Variants in SMAD2 observed in about 807,000 individuals in gnomAD.
SMAD2 encodes SMAD family member 2, also known as MAD homolog 2.
Under a neutral mutation model 64.4 loss-of-function variants are expected in SMAD2, and 8 were observed. The ratio of observed to expected loss-of-function variants is 0.12; its 90% CI spans 0.07 to 0.22. The LOEUF (loss-of-function observed/expected upper bound fraction) is 0.22, where lower values mean the gene tolerates loss of function less well. Ranked by LOEUF, SMAD2 falls within the 10% of genes least tolerant of loss-of-function variation. The probability of loss-of-function intolerance (pLI) is 1.00; values close to 1 mark genes in which losing one functional copy is unlikely to be tolerated. For missense variants in SMAD2, 289 were observed against 561.2 expected (o/e 0.51, Z 4.90); for synonymous variants, 203 against 195.8 (o/e 1.04, Z -0.31).
Position 47,820,443 on chromosome 18 carries a change from CAG to C in SMAD2, c.*21382_*21383del, listed in dbSNP as rs1912528865. ...TATTGGGAAAAAAGTTGTTTAAATTCAGAGTTTATTAGAGGTTGTTTCAAATA... is the reference window on the plus strand; with the variant it reads ...TATTGGGAAAAAAGTTGTTTAAATTCAGTTTATTAGAGGTTGTTTCAAATA... On this transcript the variant is annotated 3_prime_UTR_variant, in exon 11 of 11. Coordinates refer to ENST00000262160, the MANE Select transcript of SMAD2 (RefSeq NM_005901.6). 2 of 152,076 alleles carry C rather than the reference CAG, an allele frequency of 1.3e-5. No individual in the cohort carries two copies. The highest frequency in any genetic ancestry group is 2.1e-4 in the South Asian group (1 of 4,818). The allele number at this position is 152,076 out of a possible 1,614,324, so 9.4% of individuals were successfully genotyped here. A position where few individuals can be genotyped will look rare whatever the true frequency, so the allele number is the denominator to read the frequency against.
intron 2 of SMAD2, among the ~76,000 whole-genome samples, chr18:47,889,318 CCTGGAAGGACT>C (rs1416268258): frequency 6.6e-6 from 1 of 152,044 alleles, no homozygotes; most frequent in African/African-American, 2.4e-5. Flanking sequence ...ACCACACAGG[CCTGGAAGGACT>C]CTACTACAAG....
At chr18:47,926,971 C>A (rs2034791890) in intron 1 of SMAD2, among the ~76,000 whole-genome samples, 1 of 152,166 alleles carries the variant, frequency 6.6e-6, no homozygotes, top group Non-Finnish European at 1.5e-5. Context: ...AGTATTGTAA[C>A]TGAGAAACAA....
At chr18:47,870,316 T>G (rs575186999) in intron 3 of SMAD2, among the ~76,000 whole-genome samples, 159 bp downstream of exon 3, 126 of 152,286 alleles carry the variant, frequency 8.3e-4, no homozygotes, top group African/African-American at 3.0e-3. Context: ...ATTTAATATA[T>G]TTTTTATACT....
At chr18:47,861,829 C>CA (rs2031209952) in intron 6 of SMAD2, among the ~76,000 whole-genome samples, 1 of 152,220 alleles carries the variant, frequency 6.6e-6, no homozygotes. Flanking sequence ...AACATTTTAA[C>CA]TACCTTCATA....
intron 1 of SMAD2, among the ~76,000 whole-genome samples, chr18:47,910,369 C>A (rs1470604060): frequency 8.1e-6 from 1 of 123,718 alleles, no homozygotes; most frequent in African/African-American, 2.9e-5. Flanking sequence ...TGACATAGGA[C>A]AATCTAGCTA....
In SMAD2 at chr18:47,841,257, G is replaced by C; in HGVS notation, c.*570C>G. ...AGTTAATCCACTTTTCTTCCCCCAA[G>C]AGTTTATTTTTGGTAAAAGGCAGAA... On this transcript the variant is annotated 3_prime_UTR_variant, in exon 11 of 11. Coordinates refer to ENST00000262160, the MANE Select transcript of SMAD2 (RefSeq NM_005901.6). 4.3e-6 allele frequency: 1 copy of C among 233,002 alleles called. No individual in the cohort carries two copies. The highest frequency in any genetic ancestry group is 8.5e-6 in the Non-Finnish European group (1 of 118,246). 14.4% of individuals were successfully genotyped at this position (233,002 alleles called of 1,614,324 possible).
chr18:47,911,694 C>A (rs1034963568), intron 1 of SMAD2, among the ~76,000 whole-genome samples: 3 of 152,108 alleles, frequency 2.0e-5, no homozygotes, highest in Admixed American at 6.5e-5. Flanking sequence ...GTGAGGTTTG[C>A]ATAGAATTAG....
chr18:47,888,868 C>G (rs2033045911), intron 2 of SMAD2, among the ~76,000 whole-genome samples: 1 of 152,194 alleles, frequency 6.6e-6, no homozygotes, highest in East Asian at 1.9e-4. Flanking sequence ...ACAGATGATC[C>G]AGACATTAGA....
chr18:47,831,824 T>C lies in SMAD2; in HGVS notation c.*10003A>G, dbSNP rs1913006631. 2 of 152,246 alleles carry C rather than the reference T, an allele frequency of 1.3e-5. No homozygotes were observed. Among genetic ancestry groups the C allele is most frequent in the Middle Eastern group, 3.2e-3 (1 of 316 alleles). The allele number at this position is 152,246 out of a possible 1,614,324, so 9.4% of individuals were successfully genotyped here. A position where few individuals can be genotyped will look rare whatever the true frequency, so the allele number is the denominator to read the frequency against. On this transcript the variant is annotated 3_prime_UTR_variant, in exon 11 of 11. Transcript: ENST00000262160. ...AATTCTACAAATATTTCCATACCTATTTATTGCAGCAAAAGATAATTTTTA... is the reference window on the plus strand; with the variant it reads ...AATTCTACAAATATTTCCATACCTACTTATTGCAGCAAAAGATAATTTTTA...
intron 7 of SMAD2, among the ~76,000 whole-genome samples, chr18:47,850,849 TTA>T (rs56339341): frequency 4.0e-3 from 51 of 12,714 alleles, no homozygotes; most frequent in Middle Eastern, 0.17. Context: ...ATATTATATA[TTA>T]TATATATTAT....
At chr18:47,877,735 GAAAT>G (rs2032347464) in intron 2 of SMAD2, among the ~76,000 whole-genome samples, 1 of 151,942 alleles carries the variant, frequency 6.6e-6, no homozygotes, top group South Asian at 2.1e-4. Context: ...TCCTGATTGA[GAAAT>G]AAGTAGGTGC....
At chr18:47,875,719 T>C (rs1312534564) in intron 2 of SMAD2, among the ~76,000 whole-genome samples, 2 of 152,114 alleles carry the variant, frequency 1.3e-5, no homozygotes, top group Admixed American at 1.3e-4. Context: ...ATAAGGGGCA[T>C]CTCAAAGTGA....
intron 1 of SMAD2, chr18:47,923,769 G>A (rs980254977): frequency 1.3e-5 from 2 of 152,106 alleles, no homozygotes; most frequent in African/African-American, 2.4e-5. Context: ...TCTCTCTAAA[G>A]GCTTTCTAGT....
At position 47,817,257 on chromosome 18, in the gene SMAD2, CTG is replaced by C. The variant is rs1281319335; in HGVS notation, c.*24568_*24569del. 1.4e-4 allele frequency: 21 copies of C among 152,326 alleles called. No homozygotes were observed. Among genetic ancestry groups the C allele is most frequent in the African/African-American group, 4.3e-4 (18 of 41,566 alleles). The allele number at this position is 152,326 out of a possible 1,614,324, so 9.4% of individuals were successfully genotyped here. ...TGGGCTCTCCGCTTACATAGCTTGTCTGTTCTGCCCCAGTGAGTCTTTTCTCA... is the reference window on the plus strand; with the variant it reads ...TGGGCTCTCCGCTTACATAGCTTGTCTTCTGCCCCAGTGAGTCTTTTCTCA... On this transcript the variant is annotated 3_prime_UTR_variant, in exon 11 of 11. Coordinates refer to ENST00000262160, the MANE Select transcript of SMAD2 (RefSeq NM_005901.6).
intron 5 of SMAD2, among the ~76,000 whole-genome samples, chr18:47,866,316 C>CAA (rs34302955): frequency 0.066 from 2,610 of 39,666 alleles, 148 homozygotes; most frequent in African/African-American, 0.14. Flanking sequence ...AACACCGTCT[C>CAA]AAAAAAAAAA....
chr18:47,813,904 T>C lies in SMAD2; in HGVS notation c.*27923A>G, dbSNP rs945562705. Reference sequence around the variant, plus strand: ...AGGTAGGCATAGATAGGCCTAATTATGATGAATGCTCTCTTACCAGTATAA... The same window carrying C: ...AGGTAGGCATAGATAGGCCTAATTACGATGAATGCTCTCTTACCAGTATAA... On this transcript the variant is annotated 3_prime_UTR_variant, in exon 11 of 11. Coordinates refer to ENST00000262160, the MANE Select transcript of SMAD2 (RefSeq NM_005901.6). 1 of 152,066 alleles carries C rather than the reference T, an allele frequency of 6.6e-6. No homozygotes were observed. The highest frequency in any genetic ancestry group is 1.5e-5 in the Non-Finnish European group (1 of 68,032). 9.4% of individuals were successfully genotyped at this position (152,066 alleles called of 1,614,324 possible).
intron 6 of SMAD2, among the ~76,000 whole-genome samples, chr18:47,864,172 A>G (rs1432644786): frequency 6.6e-6 from 1 of 152,150 alleles, no homozygotes; most frequent in Non-Finnish European, 1.5e-5. Context: ...GTTATTTCCA[A>G]CGTTCATTAG....
intron 1 of SMAD2, chr18:47,920,218 C>T (rs2144540424): frequency 6.6e-6 from 1 of 152,302 alleles, no homozygotes; most frequent in Admixed American, 6.5e-5. Context: ...TATAAAGGCA[C>T]TAATCCCATT....
At chr18:47,902,414 G>T (rs1480922711) in intron 1 of SMAD2, among the ~76,000 whole-genome samples, 1 of 152,172 alleles carries the variant, frequency 6.6e-6, no homozygotes, top group Non-Finnish European at 1.5e-5. Context: ...CATTTGAATA[G>T]TAAGTCTTCC....
Sources: allele counts gnomAD v4.1 joint callset (sites outside exome capture counted in the v4.1 genomes callset), GRCh38; gene constraint gnomAD v4.1.1; transcripts MANE v1.5; gene names NCBI Gene and HGNC (gene_info 2026-07-23, HGNC 2026-07-21).